HMGA2: variants seen among roughly 807,000 people sequenced by gnomAD.
HMGA2 encodes high mobility group AT-hook 2, also known as high mobility group protein HMGI-C.
A neutral mutation model predicts 19.1 loss-of-function variants in HMGA2; 8 were observed. That is an observed-to-expected ratio of 0.42 (90% CI 0.25 to 0.76). The LOEUF is 0.76. Ranked by LOEUF, HMGA2 falls within the 30% of genes least tolerant of loss-of-function variation. HMGA2 has a pLI of 0.28. For missense variants in HMGA2, 109 were observed against 136.3 expected, an observed-to-expected ratio of 0.80 and a Z score of 1.00; for synonymous variants, 60 against 48.8, an observed-to-expected ratio of 1.23 and a Z score of -0.96.
chr12:65,941,620 G>A (rs1015896583), intron 3 of HMGA2, among the ~76,000 whole-genome samples: 2 of 152,136 alleles, frequency 1.3e-5, no homozygotes, highest in African/African-American at 4.8e-5. Context: ...GAGAACATAA[G>A]AGATTACAAA....
At chr12:65,842,960 C>G (rs959042594) in intron 3 of HMGA2, 77 of 934,244 alleles carry the variant, frequency 8.2e-5, no homozygotes, top group Non-Finnish European at 9.9e-5. Context: ...AGTGATGCAG[C>G]TAGTGCTTCT....
intron 3 of HMGA2, among the ~76,000 whole-genome samples, chr12:65,940,436 T>C (rs1311730514): frequency 6.6e-6 from 1 of 152,182 alleles, no homozygotes; most frequent in Admixed American, 6.5e-5. Context: ...ATTAGAAACA[T>C]TCTTTTGAAC....
Position 65,825,331 on chromosome 12 carries a change from G to T in HMGA2, c.61G>T (p.Ala21Ser). Residue 21 changes from alanine to serine, a missense_variant, in exon 1 of 5, where the codon GCC becomes TCC. Physicochemically the swap from Ala to Ser is moderately conservative, Grantham distance 99. Coordinates refer to ENST00000403681, the MANE Select transcript of HMGA2 (RefSeq NM_003483.6). The surrounding 1 kb of genome is among the most constrained non-coding windows in gnomAD (Gnocchi z 4.4). ...PSTSAQGQPAAPAPQKRGRGR... is the reference protein window; with the variant it reads ...PSTSAQGQPASPAPQKRGRGR... ...CACTTCAGCCCAGGGACAACCTGCC[G>T]CCCCAGCGCCTCAGAAGAGAGGACG... 6.5e-7 allele frequency: 1 copy of T among 1,538,520 alleles called. No homozygotes were observed.
intron 4 of HMGA2, 135 bp from the exon 5 acceptor site, chr12:65,963,110 C>A (rs1876799429): frequency 1.3e-6 from 1 of 770,462 alleles, no homozygotes; most frequent in Non-Finnish European, 2.2e-6. Context: ...GGAATGAGGG[C>A]TCGCCAGTCA....
intron 3 of HMGA2, among the ~76,000 whole-genome samples, chr12:65,839,125 C>G (rs1412798157): frequency 1.3e-5 from 2 of 151,344 alleles, no homozygotes; most frequent in African/African-American, 4.9e-5. Flanking sequence ...TCTTGCTTCC[C>G]TTAGTAGTCA....
At chr12:65,907,804 G>A (rs971554842) in intron 3 of HMGA2, among the ~76,000 whole-genome samples, 1 of 152,176 alleles carries the variant, frequency 6.6e-6, no homozygotes, top group African/African-American at 2.4e-5. Context: ...ATGGGATTAA[G>A]CAGCTGCACT....
At chr12:65,865,633 CTTTTT>C (rs952845162) in intron 3 of HMGA2, among the ~76,000 whole-genome samples, 1 of 131,768 alleles carries the variant, frequency 7.6e-6, no homozygotes, top group Non-Finnish European at 1.6e-5. Flanking sequence ...ATCTATTTTT[CTTTTT>C]TTTTTTTTTT....
intron 3 of HMGA2, chr12:65,856,607 T>G (rs1435793001): frequency 6.6e-6 from 1 of 152,300 alleles, no homozygotes; most frequent in Non-Finnish European, 1.5e-5. Flanking sequence ...TGCCACAAAC[T>G]TGGGTGCTTT....
At chr12:65,899,685 C>A (rs1041688975) in intron 3 of HMGA2, among the ~76,000 whole-genome samples, 2 of 152,200 alleles carry the variant, frequency 1.3e-5, no homozygotes, top group African/African-American at 4.8e-5. Flanking sequence ...GGTCTGCACC[C>A]TTCAGGATCT....
intron 3 of HMGA2, among the ~76,000 whole-genome samples, chr12:65,920,181 C>G (rs1281576292): frequency 6.6e-6 from 1 of 151,942 alleles, no homozygotes; most frequent in Non-Finnish European, 1.5e-5. Flanking sequence ...AGAGATGAGT[C>G]CGGGGTAGAA....
intron 3 of HMGA2, among the ~76,000 whole-genome samples, chr12:65,862,237 T>C (rs1592396173): frequency 6.6e-6 from 1 of 151,584 alleles, no homozygotes; most frequent in African/African-American, 2.4e-5. Context: ...TATACTTACC[T>C]TTTTTCAGAT....
At chr12:65,915,429 T>C (rs983069291) in intron 3 of HMGA2, 8 of 1,267,972 alleles carry the variant, frequency 6.3e-6, no homozygotes, top group African/African-American at 1.5e-5. Context: ...GAGGGTGGGC[T>C]GAACTCCAGT....
chr12:65,908,556 G>C (rs182513636), intron 3 of HMGA2, among the ~76,000 whole-genome samples: 1 of 152,140 alleles, frequency 6.6e-6, no homozygotes, highest in East Asian at 1.9e-4. Context: ...AGTTGTTGCT[G>C]GGAAGTAGAA....
At chr12:65,953,856 T>C (rs1876532195) in intron 4 of HMGA2, 1 of 152,234 alleles carries the variant, frequency 6.6e-6, no homozygotes, top group Non-Finnish European at 1.5e-5. Flanking sequence ...AAAGAATCTC[T>C]TCCTTTTCCA....
chr12:65,895,753 T>C (rs946249981), intron 3 of HMGA2, among the ~76,000 whole-genome samples: 2 of 152,196 alleles, frequency 1.3e-5, no homozygotes, highest in African/African-American at 2.4e-5. Flanking sequence ...CAGACTTCTT[T>C]CTGGTTGGTT....
At chr12:65,848,229 A>C (rs1327767811) in intron 3 of HMGA2, among the ~76,000 whole-genome samples, 1 of 152,250 alleles carries the variant, frequency 6.6e-6, no homozygotes, top group Non-Finnish European at 1.5e-5. Context: ...TCAGAAAAAC[A>C]GAAGACAGCT....
chr12:65,921,652 G>A (rs1592446802), intron 3 of HMGA2, among the ~76,000 whole-genome samples: 1 of 152,334 alleles, frequency 6.6e-6, no homozygotes, highest in East Asian at 1.9e-4. Context: ...AGAAATTCAA[G>A]CCAGCTGCAG....
chr12:65,913,196 G>C (rs535741459), intron 3 of HMGA2, among the ~76,000 whole-genome samples: 62 of 152,202 alleles, frequency 4.1e-4, no homozygotes, highest in African/African-American at 1.5e-3. Context: ...CCACCATTTT[G>C]TGCTATTTTT....
intron 3 of HMGA2, chr12:65,881,483 C>A: frequency 3.7e-6 from 2 of 538,812 alleles, no homozygotes; most frequent in South Asian, 2.8e-5. Flanking sequence ...GATTATGAAG[C>A]AATCTTGCTT....
Sources: allele counts gnomAD v4.1 joint callset (sites outside exome capture counted in the v4.1 genomes callset), GRCh38; gene constraint gnomAD v4.1.1; non-coding constraint Gnocchi (gnomAD v3.1); transcripts MANE v1.5; gene names NCBI Gene and HGNC (gene_info 2026-07-23, HGNC 2026-07-21).